Variants in COL4A4 observed in about 807,000 individuals in gnomAD.
COL4A4 encodes collagen type IV alpha 4 chain, also known as collagen alpha-4(IV) chain.
In COL4A4, 105 loss-of-function variants were observed where a neutral mutation model predicts 192.9. That is an observed-to-expected ratio of 0.54 (90% confidence interval 0.46 to 0.64). The LOEUF (loss-of-function observed/expected upper bound fraction) is 0.64, where lower values mean the gene tolerates loss of function less well. Among genes scored for constraint, COL4A4 ranks in the 30% least tolerant of loss-of-function variants. COL4A4 has a pLI of 0.00. For missense variants in COL4A4, 1,967 were observed against 2,169.3 expected, an observed-to-expected ratio of 0.91 and a Z score of 1.85; for synonymous variants, 762 against 769.9, an observed-to-expected ratio of 0.99 and a Z score of 0.17.
chr2:227,058,659 T>C (rs558697322), intron 28 of COL4A4, among the ~76,000 whole-genome samples: 4 of 152,254 alleles, frequency 2.6e-5, no homozygotes, highest in Admixed American at 6.5e-5. Flanking sequence ...GTGGTTCACA[T>C]CTTGATCACC....
chr2:227,021,653 A>G (rs1297731158), intron 44 of COL4A4, among the ~76,000 whole-genome samples: 2 of 152,040 alleles, frequency 1.3e-5, no homozygotes, highest in African/African-American at 4.8e-5. Context: ...GTGAAACCCC[A>G]TCTCCACTAA....
intron 44 of COL4A4, 65 bp from the exon 45 acceptor site, chr2:227,012,362 T>G: frequency 2.3e-6 from 3 of 1,283,450 alleles, no homozygotes; most frequent in Non-Finnish European, 3.4e-6. Context: ...TTTACCGTGC[T>G]TATACCGTAT....
chr2:227,057,592 C>T lies in COL4A4; in HGVS notation c.2392G>A (p.Gly798Ser), dbSNP rs760803228. The T allele has an allele frequency of 3.1e-5, 50 of 1,614,096 alleles. No individual in the cohort carries two copies. The highest frequency in any genetic ancestry group is 4.0e-5 in the Non-Finnish European group (47 of 1,180,010). ...TTGAGACCTAGGAATCCAGGAATGC[C>T]AGCTGGCCCTGAAATGATACAATAC... ...PGCPGAEGPA[G>S]IPGFLGLKGP... The change falls in exon 29 of 48, where the codon GGC (glycine) becomes AGC (serine). Residue 798 changes from glycine (G) to serine (S), a missense_variant. Physicochemically the swap from Gly to Ser is moderately conservative, Grantham distance 56. Transcript: ENST00000396625.
At position 227,147,398 on chromosome 2, in the gene COL4A4, A is replaced by T; in HGVS notation, c.71+15T>A. On this transcript the variant is annotated intron_variant, in intron 2 of 47. Coordinates refer to ENST00000396625, the MANE Select transcript of COL4A4 (RefSeq NM_000092.5). Reference sequence around the variant, plus strand: ...TTACTAAATAAAAGCAGGCAATCACACTGAGGATACTCACCAGGGACCTGT... The same window carrying T: ...TTACTAAATAAAAGCAGGCAATCACTCTGAGGATACTCACCAGGGACCTGT... The T allele has an allele frequency of 6.2e-7, 1 of 1,610,578 alleles. No homozygotes were observed. The highest frequency in any genetic ancestry group is 8.5e-7 in the Non-Finnish European group (1 of 1,176,918).
At chr2:227,041,326 CATA>C (rs1419420926) in intron 37 of COL4A4, among the ~76,000 whole-genome samples, 3 of 152,028 alleles carry the variant, frequency 2.0e-5, no homozygotes, top group Non-Finnish European at 2.9e-5. Flanking sequence ...GCCTGAACAT[CATA>C]AAAATCATTT....
At chr2:226,994,001 A>G in the COL4A4 span, among the ~76,000 whole-genome samples, 8 of 151,888 alleles carry the variant, frequency 5.3e-5, no homozygotes, top group Non-Finnish European at 1.2e-4. Context: ...CTCCCTTCCC[A>G]GCCAGGCTAG....
the COL4A4 span, among the ~76,000 whole-genome samples, chr2:226,976,074 A>G: frequency 6.6e-6 from 1 of 151,616 alleles, no homozygotes; most frequent in African/African-American, 2.4e-5. Context: ...TATGTGCAGT[A>G]TGGATTGGAG....
At chr2:227,071,653 A>C (rs2058730982) in intron 25 of COL4A4, among the ~76,000 whole-genome samples, 1 of 152,158 alleles carries the variant, frequency 6.6e-6, no homozygotes, top group South Asian at 2.1e-4. Flanking sequence ...CAGGCCACAA[A>C]ATAAGTCTCA....
At chr2:227,036,738 A>G (rs971938939) in intron 37 of COL4A4, among the ~76,000 whole-genome samples, 1 of 152,184 alleles carries the variant, frequency 6.6e-6, no homozygotes, top group Non-Finnish European at 1.5e-5. Flanking sequence ...TTGACAGAAC[A>G]AACAGGCAAT....
At chr2:227,033,744 G>A (rs1968925071) in intron 37 of COL4A4, among the ~76,000 whole-genome samples, 1 of 152,226 alleles carries the variant, frequency 6.6e-6, no homozygotes, top group African/African-American at 2.4e-5. Context: ...ATCCTATCGT[G>A]ACCAGATATG....
chr2:227,013,649 C>A (rs943403635), intron 44 of COL4A4, among the ~76,000 whole-genome samples: 5 of 152,174 alleles, frequency 3.3e-5, no homozygotes, highest in Non-Finnish European at 7.3e-5. Flanking sequence ...TTCTGCATCC[C>A]GAACTGTGAA....
chr2:227,153,120 A>T (rs2064076658), intron 1 of COL4A4, among the ~76,000 whole-genome samples: 1 of 152,220 alleles, frequency 6.6e-6, no homozygotes, highest in East Asian at 1.9e-4. Context: ...ACCAGATCTC[A>T]TGAGACTTAT....
At chr2:227,138,390 T>C (rs893013951) in intron 4 of COL4A4, among the ~76,000 whole-genome samples, 10 of 151,706 alleles carry the variant, frequency 6.6e-5, no homozygotes, top group Admixed American at 6.6e-4. Context: ...TCCCAGAACT[T>C]TGGGAGGCCG....
the COL4A4 span, among the ~76,000 whole-genome samples, chr2:226,975,048 A>G: frequency 4.4e-4 from 67 of 152,290 alleles, 1 homozygote; most frequent in Non-Finnish European, 7.2e-4. Context: ...GTGGGTAGCA[A>G]GGAAATTATG....
intron 44 of COL4A4, among the ~76,000 whole-genome samples, chr2:227,015,569 C>G (rs751975416): frequency 2.0e-4 from 30 of 152,122 alleles, no homozygotes; most frequent in Non-Finnish European, 2.1e-4. Flanking sequence ...TCCCACATTA[C>G]CCCTTATTAA....
At chr2:227,024,834 C>T (rs1024668440) in intron 43 of COL4A4, among the ~76,000 whole-genome samples, 6 of 152,208 alleles carry the variant, frequency 3.9e-5, no homozygotes, top group African/African-American at 1.4e-4. Context: ...GAGGCATCTT[C>T]TATTTTCCAT....
At chr2:227,052,889 C>T (rs191156613) in intron 31 of COL4A4, among the ~76,000 whole-genome samples, 59 of 152,200 alleles carry the variant, frequency 3.9e-4, no homozygotes, top group African/African-American at 1.2e-3. Flanking sequence ...AAGGGCATAC[C>T]GTACTTCTGC....
At chr2:227,034,430 T>C (rs1969116344) in intron 37 of COL4A4, among the ~76,000 whole-genome samples, 1 of 152,084 alleles carries the variant, frequency 6.6e-6, no homozygotes, top group Non-Finnish European at 1.5e-5. Flanking sequence ...GGGTGCCTTC[T>C]CACAAGTCCT....
Position 227,007,038 on chromosome 2 carries a change from C to G in COL4A4, c.*287G>C. ...TAATCTGGCCTTTATCATCTACTTGCCTTTCTGAGAATTAGCATATTTTTA... is the reference window on the plus strand; with the variant it reads ...TAATCTGGCCTTTATCATCTACTTGGCTTTCTGAGAATTAGCATATTTTTA... On this transcript the variant is annotated 3_prime_UTR_variant, in exon 48 of 48. Transcript: ENST00000396625. 4.3e-6 allele frequency: 2 copies of G among 460,344 alleles called. No homozygotes were observed. Among genetic ancestry groups the G allele is most frequent in the South Asian group, 4.3e-5 (2 of 47,012 alleles). The allele number at this position is 460,344 out of a possible 1,614,324, so 28.5% of individuals were successfully genotyped here. A position where few individuals can be genotyped will look rare whatever the true frequency, so the allele number is the denominator to read the frequency against.
Sources: gnomAD v4.1 joint callset for allele counts (sites outside exome capture counted in the v4.1 genomes callset) on GRCh38, gnomAD v4.1.1 for gene constraint, MANE v1.5 for transcripts, NCBI Gene and HGNC (gene_info 2026-07-23, HGNC 2026-07-21) for gene names.